The following ZNF646 variants were observed in gnomAD, a reference collection of about 807,000 sequenced individuals.
ZNF646 encodes zinc finger protein 646.
A neutral mutation model predicts 115.4 loss-of-function variants in ZNF646; 49 were observed. The ratio of observed to expected loss-of-function variants is 0.42; its 90% CI spans 0.34 to 0.54. ZNF646 has a LOEUF of 0.54. Ranked by LOEUF, ZNF646 falls within the 20% of genes least tolerant of loss-of-function variation. The probability of loss-of-function intolerance (pLI) is 0.04; values close to 1 mark genes in which losing one functional copy is unlikely to be tolerated. For synonymous variants in ZNF646, 933 were observed against 939.0 expected (o/e 0.99, Z 0.12); for missense variants, 2,269 against 2,457.9 (o/e 0.92, Z 1.62).
In ZNF646 at chr16:31,076,603, T is replaced by C. The variant is rs1262700924; in HGVS notation, c.279T>C (p.His93=). ...CCAATCCCATGGCTCTCAAGAGCCA[T>C]ATGAGGACACATGCTCCTGAGGGCC... is the stretch of plus-strand genomic sequence containing the variant. ...DFSNPMALKS[H]MRTHAPEGRR... The change falls in exon 2 of 3, where the codon CAT becomes CAC. Residue 93 remains histidine (H), a synonymous_variant. Transcript: ENST00000300850. 6.8e-6 allele frequency: 11 copies of C among 1,612,774 alleles called. No homozygotes were observed. The highest frequency in any genetic ancestry group is 2.2e-5 in the East Asian group (1 of 44,844).
intron 1 of ZNF646, among the ~76,000 whole-genome samples, chr16:31,074,977 CAG>C (rs1424101407): frequency 2.6e-5 from 4 of 152,264 alleles, no homozygotes; most frequent in South Asian, 2.1e-4. Context: ...CCGCCTCAGT[CAG>C]GGGGTTTGCT....
rs1738747980 is a variant in ZNF646, at chr16:31,076,939, C to G, written c.615C>G (p.Ser205Arg). The G allele has an allele frequency of 1.2e-6, 2 of 1,614,010 alleles. No homozygotes were observed. Among genetic ancestry groups the G allele is most frequent in the Non-Finnish European group, 8.5e-7 (1 of 1,179,978 alleles). ...CTCCTCTCCCCATCCCAGCCAGCAG[C>G]CTTCTTAGCAACTTGGAACAGTATC... ...RAPPLPIPASSLLSNLEQYLA... is the reference protein window; with the variant it reads ...RAPPLPIPASRLLSNLEQYLA... The change falls in exon 2 of 3, where the codon AGC becomes AGG. Residue 205 changes from serine to arginine, a missense_variant. Physicochemically the swap from Ser to Arg is moderately radical, Grantham distance 110. Around this residue, in one of 5 missense-constraint regions of ZNF646, gnomAD observed 334 missense variants for 323.5 expected, o/e 1.03. Transcript: ENST00000300850.
rs758285688 is a variant in ZNF646 at position 31,076,708 on chromosome 16, C to A, written c.384C>A (p.Gly128=). 3.2e-5 allele frequency: 51 copies of A among 1,613,502 alleles called. No individual in the cohort carries two copies. In the East Asian group the frequency reaches 1.1e-3, roughly 36 times the overall value. The change falls in exon 2 of 3, where the codon GGC becomes GGA. Residue 128 remains glycine (G), a synonymous_variant. Transcript: ENST00000300850. Reference sequence around the variant, plus strand: ...AGACGGTGTCCACTGACTCCTGGGGCCAAAGGCTTGGCTCTAGTGAAGGCT... The same window carrying A: ...AGACGGTGTCCACTGACTCCTGGGGACAAAGGCTTGGCTCTAGTGAAGGCT... ...QGETVSTDSW[G]QRLGSSEGWE...
chr16:31,076,896 C>G lies in ZNF646; in HGVS notation c.572C>G (p.Thr191Ser). Residue 191 changes from threonine to serine, a missense_variant, in exon 2 of 3, where the codon ACT becomes AGT. Physicochemically the swap from Thr to Ser is moderately conservative, Grantham distance 58. This residue lies in a region of ZNF646 where 334 missense variants were observed against 323.5 expected (regional missense o/e 1.03). Transcript: ENST00000300850. ...GGTGCAGACGGCTGGGGACCCTCCA[C>G]TAACTCTGCCAGAGCCCCTCCTCTC... is the stretch of plus-strand genomic sequence containing the variant. ...EDGADGWGPS[T>S]NSARAPPLPI... The G allele has an allele frequency of 6.2e-7, 1 of 1,614,162 alleles. No individual in the cohort carries two copies. The highest frequency in any genetic ancestry group is 8.5e-7 in the Non-Finnish European group (1 of 1,180,022).
Position 31,083,691 on chromosome 16 carries a change from T to C in ZNF646, c.*599T>C. 6.2e-7 allele frequency: 1 copy of C among 1,603,414 alleles called. No individual in the cohort carries two copies. Among genetic ancestry groups the C allele is most frequent in the Non-Finnish European group, 8.5e-7 (1 of 1,175,490 alleles). On this transcript the variant is annotated 3_prime_UTR_variant, in exon 3 of 3. Coordinates refer to ENST00000300850, the MANE Select transcript of ZNF646 (RefSeq NM_014699.4). ...AGCTGCTGGGCTTCTGGGCCTGCCCTGGTGCCTGGAATCACACATGACAGG... is the reference window on the plus strand; with the variant it reads ...AGCTGCTGGGCTTCTGGGCCTGCCCCGGTGCCTGGAATCACACATGACAGG...
chr16:31,076,206 A>G, intron 1 of ZNF646, 40 bp from the exon 2 acceptor site: 1 of 1,355,878 alleles, frequency 7.4e-7, no homozygotes, highest in Middle Eastern at 1.9e-4. Context: ...AGGCGAAGTT[A>G]ATTCAGGCCT....
rs757460419 is a variant in ZNF646, at chr16:31,077,235, G to A, written c.911G>A (p.Arg304Gln). 2.2e-5 allele frequency: 35 copies of A among 1,613,956 alleles called. No individual in the cohort carries two copies. Among genetic ancestry groups the A allele is most frequent in the Non-Finnish European group, 2.7e-5 (32 of 1,180,016 alleles). ...YHCPHCPRVF[R>Q]LPRELLEHQQ... ...TGTCCCCACTGCCCCCGTGTCTTCC[G>A]GCTCCCCCGGGAGCTGCTGGAACAC... The change falls in exon 2 of 3, where the codon CGG becomes CAG. Residue 304 changes from arginine to glutamine, a missense_variant. Physicochemically the swap from Arg to Gln is conservative, Grantham distance 43 (BLOSUM62 1). This residue lies in a region of ZNF646 where 852 missense variants were observed against 900.2 expected (regional missense o/e 0.95). Transcript: ENST00000300850.
Position 31,076,876 on chromosome 16 carries a change from A to C in ZNF646, c.552A>C (p.Ala184=), listed in dbSNP as rs945238818. 1.9e-6 allele frequency: 3 copies of C among 1,614,008 alleles called. No individual in the cohort carries two copies. The Admixed American group carries it at 5.0e-5, about 27-fold the overall frequency. ...LASHPGPEDG[A]DGWGPSTNSA... is the part of the protein sequence containing the mutation. ...GCCACCCAGGTCCTGAGGATGGTGC[A>C]GACGGCTGGGGACCCTCCACTAACT... Residue 184 remains alanine (A), a synonymous_variant, in exon 2 of 3, where the codon GCA becomes GCC. Transcript: ENST00000300850.
intron 1 of ZNF646, chr16:31,075,828 T>C (rs2057069691): frequency 6.5e-6 from 1 of 152,856 alleles, no homozygotes; most frequent in Non-Finnish European, 1.5e-5. Flanking sequence ...TGGACTTCTC[T>C]TATTGAAAGG....
Position 31,078,180 on chromosome 16 carries a change from G to T in ZNF646, c.1856G>T (p.Cys619Phe). ...ATGTCACCTCCTAGGGCCTTTGCCT[G>T]CCGAGACTGTGGAAAGAGCTATCGC... ...TTMSPPRAFA[C>F]RDCGKSYRHS... is the part of the protein sequence containing the mutation. Residue 619 changes from cysteine to phenylalanine, a missense_variant, in exon 2 of 3, where the codon TGC (cysteine) becomes TTC (phenylalanine). Coordinates refer to ENST00000300850, the MANE Select transcript of ZNF646 (RefSeq NM_014699.4). 6.2e-7 allele frequency: 1 copy of T among 1,614,094 alleles called. No individual in the cohort carries two copies. The highest frequency in any genetic ancestry group is 8.5e-7 in the Non-Finnish European group (1 of 1,180,052).
rs760725312 is a variant in ZNF646, at chr16:31,080,200, G to A, written c.3876G>A (p.Ala1292=). 1.7e-5 allele frequency: 28 copies of A among 1,608,910 alleles called. No individual in the cohort carries two copies. The highest frequency in any genetic ancestry group is 5.4e-5 in the African/African-American group (4 of 74,688). Residue 1292 remains alanine, a synonymous_variant, in exon 2 of 3, where the codon GCG becomes GCA. Coordinates refer to ENST00000300850, the MANE Select transcript of ZNF646 (RefSeq NM_014699.4). The part of the protein sequence containing the change: ...ERRGGGGTRK[A]TREDRPFRCG... ...GTGGGGGTGGGGGCACCCGAAAGGC[G>A]ACTCGGGAAGATCGGCCCTTCCGCT...
chr16:31,077,311 G>T lies in ZNF646; in HGVS notation c.987G>T (p.Gly329=), dbSNP rs766042881. Residue 329 remains glycine (G), a synonymous_variant, in exon 2 of 3, where the codon GGG becomes GGT. Transcript: ENST00000300850. ...AGGAGCCACGCTGGGAGGAGAAAGG[G>T]ATGCCCACCACCAATGGGCACACAG... ...ERQEPRWEEK[G]MPTTNGHTDE... is the part of the protein sequence containing the mutation. 1.2e-6 allele frequency: 2 copies of T among 1,613,530 alleles called. No individual in the cohort carries two copies. Among genetic ancestry groups the T allele is most frequent in the Non-Finnish European group, 1.7e-6 (2 of 1,179,866 alleles).
Position 31,083,289 on chromosome 16 carries a change from C to T in ZNF646, c.*197C>T. 1.3e-5 allele frequency: 13 copies of T among 977,510 alleles called. No individual in the cohort carries two copies. Among genetic ancestry groups the T allele is most frequent in the Non-Finnish European group, 1.9e-5 (13 of 690,828 alleles). 60.6% of individuals were successfully genotyped at this position (977,510 alleles called of 1,614,324 possible). A position where few individuals can be genotyped will look rare whatever the true frequency, so the allele number is the denominator to read the frequency against. ...GTCCCTGTCCTTGAAGGACCTCCTTCCCCCAGCCTCATCACCGTGCTCTTC... is the reference window on the plus strand; with the variant it reads ...GTCCCTGTCCTTGAAGGACCTCCTTTCCCCAGCCTCATCACCGTGCTCTTC... On this transcript the variant is annotated 3_prime_UTR_variant, in exon 3 of 3. Coordinates refer to ENST00000300850, the MANE Select transcript of ZNF646 (RefSeq NM_014699.4).
chr16:31,077,068 C>T lies in ZNF646; in HGVS notation c.744C>T (p.Tyr248=), dbSNP rs139193200. The T allele has an allele frequency of 5.6e-6, 9 of 1,614,160 alleles. No homozygotes were observed. The African/African-American group carries it at 8.0e-5, about 14-fold the overall frequency. The change falls in exon 2 of 3, where the codon TAC becomes TAT. Residue 248 remains tyrosine (Y), a synonymous_variant. Coordinates refer to ENST00000300850, the MANE Select transcript of ZNF646 (RefSeq NM_014699.4). ...AATGTAGTCAGTGTGGCAAGACCTA[C>T]AAGCACGCCGGGAGCCTCACCAACC... ...RYKCSQCGKT[Y]KHAGSLTNHR... is the part of the protein sequence containing the mutation.
Position 31,076,643 on chromosome 16 carries a change from C to T in ZNF646, c.319C>T (p.Pro107Ser), listed in dbSNP as rs200467074. ...HAPEGRRRHR[P>S]PRPKEATPHL... The stretch of plus-strand genomic sequence containing the variant: ...TCCTGAGGGCCGCCGCAGGCACAGG[C>T]CCCCACGCCCCAAGGAAGCCACTCC... Residue 107 changes from proline to serine, a missense_variant, in exon 2 of 3, where the codon CCC (proline) becomes TCC (serine). Physicochemically the swap from Pro to Ser is moderately conservative, Grantham distance 74. Coordinates refer to ENST00000300850, the MANE Select transcript of ZNF646 (RefSeq NM_014699.4). 2 of 1,612,920 alleles carry T rather than the reference C, an allele frequency of 1.2e-6. No homozygotes were observed. Among genetic ancestry groups the T allele is most frequent in the Non-Finnish European group, 1.7e-6 (2 of 1,179,722 alleles).
intron 1 of ZNF646, 143 bp from the exon 2 acceptor site, chr16:31,076,103 C>T: frequency 1.9e-6 from 1 of 520,254 alleles, no homozygotes; most frequent in Non-Finnish European, 3.3e-6. Flanking sequence ...ATGGTGCCTG[C>T]AGATTGGATC....
rs2057134179 is a variant in ZNF646, at chr16:31,080,067, A to G, written c.3743A>G (p.His1248Arg). The G allele has an allele frequency of 6.2e-7, 1 of 1,612,658 alleles. No homozygotes were observed. The highest frequency in any genetic ancestry group is 8.5e-7 in the Non-Finnish European group (1 of 1,179,444). ...TCAAACCTCATGTCCCTCAAGAACC[A>G]CCGGCGCATCCATGCAGATCCCCGA... is the stretch of plus-strand genomic sequence containing the variant. ...GFSNLMSLKNHRRIHADPRRF... is the reference protein window; with the variant it reads ...GFSNLMSLKNRRRIHADPRRF... Residue 1248 changes from histidine (H) to arginine (R), a missense_variant, in exon 2 of 3, where the codon CAC (histidine) becomes CGC (arginine). Physicochemically the swap from His to Arg is conservative, Grantham distance 29. Coordinates refer to ENST00000300850, the MANE Select transcript of ZNF646 (RefSeq NM_014699.4).
In ZNF646 at chr16:31,076,518, A is replaced by C. The variant is rs764799359; in HGVS notation, c.194A>C (p.Asn65Thr). 2.5e-6 allele frequency: 4 copies of C among 1,613,628 alleles called. No individual in the cohort carries two copies. The highest frequency in any genetic ancestry group is 3.4e-6 in the Non-Finnish European group (4 of 1,179,790). ...TACCGTCACCCCGGGAGCCTGGTTA[A>C]CCATCGTCGGACCCACGAGACTGGC... The part of the protein sequence containing the change: ...RGYRHPGSLV[N>T]HRRTHETGLF... The change falls in exon 2 of 3, where the codon AAC (asparagine) becomes ACC (threonine). Residue 65 changes from asparagine (N) to threonine (T), a missense_variant. Physicochemically the swap from Asn to Thr is moderately conservative, Grantham distance 65. Coordinates refer to ENST00000300850, the MANE Select transcript of ZNF646 (RefSeq NM_014699.4).
Position 31,078,315 on chromosome 16 carries a change from G to T in ZNF646, c.1991G>T (p.Arg664Leu). 6.2e-7 allele frequency: 1 copy of T among 1,613,650 alleles called. No homozygotes were observed. The highest frequency in any genetic ancestry group is 1.1e-5 in the South Asian group (1 of 91,082). The change falls in exon 2 of 3, where the codon CGC becomes CTC. Residue 664 changes from arginine to leucine, a missense_variant. Physicochemically the swap from Arg to Leu is moderately radical, Grantham distance 102. This residue lies in a region of ZNF646 where 852 missense variants were observed against 900.2 expected (regional missense o/e 0.95). Transcript: ENST00000300850. ...ATGGCTGCCATGAAGAACCACTTGC[G>T]CCGGCACAGTCGGCGGCGGAGCAGG... ...HTMAAMKNHL[R>L]RHSRRRSRRH...
Sources: allele counts gnomAD v4.1 joint callset (sites outside exome capture counted in the v4.1 genomes callset), GRCh38; gene constraint gnomAD v4.1.1; regional missense constraint gnomAD v4.1.1; transcripts MANE v1.5; gene names NCBI Gene and HGNC (gene_info 2026-07-23, HGNC 2026-07-21).